CPLANE1: variants seen among roughly 807,000 people sequenced by gnomAD.
The protein encoded by CPLANE1 is ciliogenesis and planar polarity effector 1.
A neutral mutation model predicts 362.5 loss-of-function variants in CPLANE1; 263 were observed. That is an observed-to-expected ratio of 0.73 (90% CI 0.66 to 0.80). The LOEUF (loss-of-function observed/expected upper bound fraction) is 0.80, where lower values mean the gene tolerates loss of function less well. Among genes scored for constraint, CPLANE1 ranks in the 30% least tolerant of loss-of-function variants. The pLI, the probability that CPLANE1 is intolerant of heterozygous loss-of-function variation, is 0.00. For synonymous variants in CPLANE1, 1,212 were observed against 1,302.6 expected, an observed-to-expected ratio of 0.93 and a Z score of 1.50; for missense variants, 3,461 against 3,793.4, an observed-to-expected ratio of 0.91 and a Z score of 2.30.
Position 37,248,825 on chromosome 5 carries a change from G to A in CPLANE1, c.-48+420C>T, listed in dbSNP as rs971064593. ...AAATTATTGAGTGAAAAAATACTGG[G>A]AACTTTATGCACTGACATACCCTAA... is the stretch of plus-strand genomic sequence containing the variant. On this transcript the variant is annotated intron_variant, in intron 1 of 52. Coordinates refer to ENST00000651892, the MANE Select transcript of CPLANE1 (RefSeq NM_001384732.1). Among the ~76,000 whole-genome samples, 12 of 152,300 alleles carry A rather than the reference G, an allele frequency of 7.9e-5. No individual in the cohort carries two copies. In the South Asian group the frequency reaches 1.7e-3, roughly 21 times the overall value.
chr5:37,219,155 C>T (rs1422980832), intron 15 of CPLANE1, among the ~76,000 whole-genome samples: 2 of 152,088 alleles, frequency 1.3e-5, no homozygotes, highest in East Asian at 3.9e-4. Flanking sequence ...GTGTGAAGAT[C>T]ACTTGAACCC....
At chr5:37,116,124 G>A (rs1024379365) in intron 50 of CPLANE1, among the ~76,000 whole-genome samples, 2 of 151,622 alleles carry the variant, frequency 1.3e-5, no homozygotes, top group African/African-American at 2.4e-5. Flanking sequence ...CCGTCTCTAC[G>A]AAAAAATTTA....
intron 49 of CPLANE1, among the ~76,000 whole-genome samples, chr5:37,120,911 G>A (rs1303859642): frequency 6.6e-6 from 1 of 151,982 alleles, no homozygotes; most frequent in African/African-American, 2.4e-5. Flanking sequence ...ATCTCCTCTA[G>A]GCTCTTAAAT....
At chr5:37,127,515 A>ATTT (rs556523898) in intron 46 of CPLANE1, among the ~76,000 whole-genome samples, 4 of 133,994 alleles carry the variant, frequency 3.0e-5, no homozygotes, top group East Asian at 2.1e-4. Context: ...TTTTTATTTA[A>ATTT]TTTTTTTTTT....
At position 37,167,118 on chromosome 5, in the gene CPLANE1, A is replaced by C. The variant is rs1014429416; in HGVS notation, c.7329T>G (p.Ala2443=). Residue 2443 remains alanine (A), a synonymous_variant, in exon 35 of 53, where the codon GCT becomes GCG. Transcript: ENST00000651892. ...LTHNLFEQGD[A]GHLQLLKVKI... Reference sequence around the variant, plus strand: ...TGACCTTTAGAAGTTGAAGGTGTCCAGCATCACCTTGTTCAAATAAATTAT... The same window carrying C: ...TGACCTTTAGAAGTTGAAGGTGTCCCGCATCACCTTGTTCAAATAAATTAT... 3.7e-6 allele frequency: 6 copies of C among 1,612,900 alleles called. No individual in the cohort carries two copies. The highest frequency in any genetic ancestry group is 1.7e-4 in the Middle Eastern group (1 of 6,056).
chr5:37,131,535 A>G (rs1579991906), intron 46 of CPLANE1, among the ~76,000 whole-genome samples: 2 of 151,952 alleles, frequency 1.3e-5, no homozygotes, highest in South Asian at 2.1e-4. Context: ...AGTAAAAAAA[A>G]ATTTTTTTTT....
chr5:37,169,993 A>T, intron 33 of CPLANE1, 48 bp downstream of exon 33: 1 of 1,567,662 alleles, frequency 6.4e-7, no homozygotes, highest in Non-Finnish European at 8.7e-7. Context: ...GGGATTACAG[A>T]CATGAGCCAC....
At chr5:37,177,772 G>T in intron 29 of CPLANE1, 72 bp from the exon 30 acceptor site, 1 of 1,182,930 alleles carries the variant, frequency 8.5e-7, no homozygotes. Flanking sequence ...AGTATTTTGA[G>T]TCTCATATTA....
At chr5:37,134,534 T>C (rs1766998327) in intron 46 of CPLANE1, among the ~76,000 whole-genome samples, 1 of 152,230 alleles carries the variant, frequency 6.6e-6, no homozygotes, top group Non-Finnish European at 1.5e-5. Flanking sequence ...TCTCTTTTTT[T>C]CTTTGTTAAT....
intron 12 of CPLANE1, among the ~76,000 whole-genome samples, chr5:37,225,121 T>C (rs560458482): frequency 7.9e-5 from 12 of 151,874 alleles, no homozygotes; most frequent in African/African-American, 2.7e-4. Flanking sequence ...CCAGGCTGAA[T>C]TGCAGTGGCT....
the CPLANE1 span, among the ~76,000 whole-genome samples, chr5:37,088,698 C>G: frequency 6.6e-6 from 1 of 152,230 alleles, no homozygotes; most frequent in Non-Finnish European, 1.5e-5. Flanking sequence ...ACAGTCCTCT[C>G]TCTCAGAGCA....
intron 47 of CPLANE1, among the ~76,000 whole-genome samples, chr5:37,124,389 T>C (rs1160746734): frequency 2.0e-5 from 3 of 152,176 alleles, no homozygotes; most frequent in Non-Finnish European, 2.9e-5. Flanking sequence ...TGTCTGTATT[T>C]AGGGCTCAGT....
chr5:37,107,145 G>A lies in CPLANE1; in HGVS notation c.*457C>T, dbSNP rs1212782209. On this transcript the variant is annotated 3_prime_UTR_variant, in exon 53 of 53. Transcript: ENST00000651892. The stretch of plus-strand genomic sequence containing the variant: ...CACTCCTAGGCTAAACCCTGCATAG[G>A]TGTTTTAAAATAGGGTTCATAATTG... 4 of 985,390 alleles carry A rather than the reference G, an allele frequency of 4.1e-6. No homozygotes were observed. The highest frequency in any genetic ancestry group is 5.2e-4 in the Middle Eastern group (1 of 1,936). 61.0% of individuals were successfully genotyped at this position (985,390 alleles called of 1,614,324 possible). A position where few individuals can be genotyped will look rare whatever the true frequency, so the allele number is the denominator to read the frequency against.
chr5:37,096,197 C>T, the CPLANE1 span, among the ~76,000 whole-genome samples: 5 of 152,244 alleles, frequency 3.3e-5, no homozygotes, highest in East Asian at 9.7e-4. Context: ...GCCATAGCCA[C>T]CAAAACAGTG....
chr5:37,243,032 T>C lies in CPLANE1; in HGVS notation c.658A>G (p.Asn220Asp). 1 of 1,542,782 alleles carries C rather than the reference T, an allele frequency of 6.5e-7. No homozygotes were observed. Among genetic ancestry groups the C allele is most frequent in the Non-Finnish European group, 8.7e-7 (1 of 1,143,036 alleles). ...CCTCACCTTACAGATGTAAATACAT[T>C]CTCATGCCACCGAATTGCTAGAAAT... ...LTFLAIRWHE[N>D]VFTSVRSLPY... Residue 220 changes from asparagine to aspartate, a missense_variant, in exon 6 of 53, where the codon AAT becomes GAT. By Grantham distance (23) the Asn-to-Asp change is conservative. Around this residue, in one of 2 missense-constraint regions of CPLANE1, gnomAD observed 3,380 missense variants for 3,666.1 expected, o/e 0.92. Coordinates refer to ENST00000651892, the MANE Select transcript of CPLANE1 (RefSeq NM_001384732.1).
chr5:37,220,348 C>T (rs1795094922), intron 15 of CPLANE1, among the ~76,000 whole-genome samples: 1 of 151,860 alleles, frequency 6.6e-6, no homozygotes, highest in South Asian at 2.1e-4. Flanking sequence ...ATTTCAAATA[C>T]ATTGGGCCTT....
chr5:37,108,728 G>A (rs952099763), intron 51 of CPLANE1, among the ~76,000 whole-genome samples: 2 of 152,182 alleles, frequency 1.3e-5, no homozygotes, highest in African/African-American at 4.8e-5. Flanking sequence ...ATCTAGGGAG[G>A]AGAGGCCACA....
In CPLANE1 at chr5:37,112,156, C is replaced by T. The variant is rs190886885; in HGVS notation, c.9400+2804G>A. Among the ~76,000 whole-genome samples, 1,004 of 152,302 alleles carry T rather than the reference C, an allele frequency of 6.6e-3. 8 individuals are homozygous for T. The highest frequency in any genetic ancestry group is 0.023 in the African/African-American group (945 of 41,558). ...GACATTCTTGTTTTGTCCAAATGAA[C>T]ATAATTATTGTCATCTAGAAAGAAT... is the stretch of plus-strand genomic sequence containing the variant. On this transcript the variant is annotated intron_variant, in intron 51 of 52. Coordinates refer to ENST00000651892, the MANE Select transcript of CPLANE1 (RefSeq NM_001384732.1).
At position 37,107,360 on chromosome 5, in the gene CPLANE1, A is replaced by G. The variant is rs367734499; in HGVS notation, c.*242T>C. ...ACTTATCATTTTAAAAATTATGCCT[A>G]ATGATGCATCAAATACAAAAACATA... On this transcript the variant is annotated 3_prime_UTR_variant, in exon 53 of 53. Coordinates refer to ENST00000651892, the MANE Select transcript of CPLANE1 (RefSeq NM_001384732.1). 2.7e-5 allele frequency: 33 copies of G among 1,217,034 alleles called. No homozygotes were observed. The Middle Eastern group carries it at 9.6e-4, about 36-fold the overall frequency. 75.4% of individuals were successfully genotyped at this position (1,217,034 alleles called of 1,614,324 possible). A position where few individuals can be genotyped will look rare whatever the true frequency, so the allele number is the denominator to read the frequency against.
Sources: gnomAD v4.1 joint callset for allele counts (sites outside exome capture counted in the v4.1 genomes callset) on GRCh38, gnomAD v4.1.1 for gene constraint, gnomAD v4.1.1 regional missense constraint, MANE v1.5 for transcripts, NCBI Gene and HGNC (gene_info 2026-07-23, HGNC 2026-07-21) for gene names.